The following ALK variants were observed in gnomAD, a reference collection of about 807,000 sequenced individuals.
The protein encoded by ALK is ALK tyrosine kinase receptor.
ALK carries 74 observed loss-of-function variants against 163.1 expected under a neutral mutation model. The ratio of observed to expected loss-of-function variants is 0.45; its 90% CI spans 0.38 to 0.55. ALK has a LOEUF of 0.55. ALK is among the 20% of genes least tolerant of loss of function. ALK has a pLI of 0.00. For missense variants in ALK, 2,063 were observed against 2,105.3 expected, an observed-to-expected ratio of 0.98 and a Z score of 0.39; for synonymous variants, 960 against 843.2, an observed-to-expected ratio of 1.14 and a Z score of -2.40.
chr2:29,696,729 C>T (rs1032824509), intron 2 of ALK, among the ~76,000 whole-genome samples: 1 of 151,872 alleles, frequency 6.6e-6, no homozygotes, highest in East Asian at 1.9e-4. Flanking sequence ...GCACACGTGT[C>T]GTATGAAGAG....
chr2:29,585,405 C>A, intron 3 of ALK, among the ~76,000 whole-genome samples: 1 of 152,180 alleles, frequency 6.6e-6, no homozygotes, highest in East Asian at 1.9e-4. Flanking sequence ...CGGCTCACCA[C>A]AACCTCCACC....
chr2:29,413,103 G>A (rs1349449163), intron 4 of ALK, among the ~76,000 whole-genome samples: 7 of 152,030 alleles, frequency 4.6e-5, no homozygotes, highest in Admixed American at 1.3e-4. Context: ...CACTTGATGC[G>A]GCCTGTTACT....
intron 3 of ALK, among the ~76,000 whole-genome samples, chr2:29,618,880 G>A (rs1675938587): frequency 6.6e-6 from 1 of 152,158 alleles, no homozygotes; most frequent in Non-Finnish European, 1.5e-5. Context: ...TTGGGAGGCT[G>A]AGGCAAAAGA....
intron 1 of ALK, among the ~76,000 whole-genome samples, chr2:29,770,970 CACAG>C (rs1460617160): frequency 3.3e-5 from 5 of 151,514 alleles, no homozygotes; most frequent in Non-Finnish European, 5.9e-5. Context: ...TACACAAATA[CACAG>C]ACATACACAG....
At chr2:29,758,097 G>C (rs923678132) in intron 1 of ALK, among the ~76,000 whole-genome samples, 3 of 142,402 alleles carry the variant, frequency 2.1e-5, no homozygotes, top group Non-Finnish European at 4.5e-5. Flanking sequence ...TGCAACCTCT[G>C]CCTCTTGGGC....
At chr2:29,856,713 C>T (rs968811290) in intron 1 of ALK, among the ~76,000 whole-genome samples, 9 of 152,110 alleles carry the variant, frequency 5.9e-5, no homozygotes, top group African/African-American at 1.7e-4. Context: ...GGTGCATCAC[C>T]CAGGAAACAG....
rs746468058 is a variant in ALK at position 29,223,431 on chromosome 2, G to A, written c.3270C>T (p.Thr1090=). 4 of 1,614,166 alleles carry A rather than the reference G, an allele frequency of 2.5e-6. No homozygotes were observed. The highest frequency in any genetic ancestry group is 1.3e-5 in the African/African-American group (1 of 75,044). ...CAAAGCAGTAGTTGGGGTTGTAGTC[G>A]GTCATGATGGTCGAGGTGCGGAGCT... The part of the protein sequence containing the change: ...LSKLRTSTIM[T]DYNPNYCFAG... Residue 1090 remains threonine, a synonymous_variant, in exon 20 of 29, where the codon ACC becomes ACT. Coordinates refer to ENST00000389048, the MANE Select transcript of ALK (RefSeq NM_004304.5).
intron 5 of ALK, among the ~76,000 whole-genome samples, chr2:29,350,399 A>G (rs1304692817): frequency 6.6e-6 from 1 of 152,156 alleles, no homozygotes; most frequent in African/African-American, 2.4e-5. Context: ...GGTGATCCCT[A>G]TGGCCATTGG....
intron 1 of ALK, among the ~76,000 whole-genome samples, chr2:29,885,270 G>A (rs759974694): frequency 5.3e-5 from 8 of 152,138 alleles, no homozygotes; most frequent in Non-Finnish European, 1.0e-4. Flanking sequence ...CACAATGTCT[G>A]TAGTTCAGCC....
At chr2:29,245,128 G>T (rs1664626578) in intron 12 of ALK, among the ~76,000 whole-genome samples, 1 of 148,890 alleles carries the variant, frequency 6.7e-6, no homozygotes, top group Non-Finnish European at 1.5e-5. Flanking sequence ...CACACAGTTG[G>T]AGCGGTATGG....
intron 9 of ALK, among the ~76,000 whole-genome samples, chr2:29,288,470 C>T (rs74624657): frequency 6.6e-6 from 1 of 152,176 alleles, no homozygotes; most frequent in African/African-American, 2.4e-5. Flanking sequence ...CCTGCAGGTA[C>T]AGGCTGACCT....
Position 29,529,250 on chromosome 2 carries a change from C to T in ALK, c.1154+2665G>A, listed in dbSNP as rs145907274. Among the ~76,000 whole-genome samples, 48 of 152,280 alleles carry T rather than the reference C, an allele frequency of 3.2e-4. 1 individual carries two copies. The East Asian group carries it at 7.9e-3, about 25-fold the overall frequency. ...TCCTCTGAGTCAGGCTCTCCCCAGCCGACTTTATTATTACAACTTCCTCCC... is the reference window on the plus strand; with the variant it reads ...TCCTCTGAGTCAGGCTCTCCCCAGCTGACTTTATTATTACAACTTCCTCCC... On this transcript the variant is annotated intron_variant, in intron 4 of 28. Transcript: ENST00000389048.
At chr2:29,493,186 T>TCCTGTCTCACATTTTTTTC (rs1671943744) in intron 4 of ALK, among the ~76,000 whole-genome samples, 1 of 152,326 alleles carries the variant, frequency 6.6e-6, no homozygotes, top group South Asian at 2.1e-4. Flanking sequence ...CTCTGCCCTG[T>TCCTGTCTCACATTTTTTTC]CCTGTCTCAC....
chr2:29,210,838 C>T (rs1669446025), intron 24 of ALK, among the ~76,000 whole-genome samples: 1 of 152,168 alleles, frequency 6.6e-6, no homozygotes, highest in Admixed American at 6.5e-5. Flanking sequence ...CTATAGATGA[C>T]CTGCTTTCCT....
intron 3 of ALK, among the ~76,000 whole-genome samples, chr2:29,668,228 T>C (rs919412861): frequency 2.6e-5 from 4 of 152,000 alleles, no homozygotes; most frequent in Non-Finnish European, 4.4e-5. Flanking sequence ...AAAATAACTT[T>C]TTGTTTTGCT....
At chr2:29,376,925 GGAGA>G (rs557953936) in intron 5 of ALK, among the ~76,000 whole-genome samples, 132 of 152,282 alleles carry the variant, frequency 8.7e-4, no homozygotes, top group African/African-American at 2.9e-3. Context: ...TGGAGAAGAA[GGAGA>G]GAGAGGGGGA....
chr2:29,213,732 C>G (rs536673587), intron 24 of ALK, among the ~76,000 whole-genome samples: 7 of 152,152 alleles, frequency 4.6e-5, no homozygotes, highest in Non-Finnish European at 1.0e-4. Flanking sequence ...GCCTGAAATC[C>G]TAGCATTTCA....
intron 4 of ALK, among the ~76,000 whole-genome samples, chr2:29,403,934 C>G (rs1388663075): frequency 6.6e-6 from 1 of 151,800 alleles, no homozygotes; most frequent in Non-Finnish European, 1.5e-5. Flanking sequence ...TTTTTATTGA[C>G]TCCTGAAGTA....
intron 4 of ALK, among the ~76,000 whole-genome samples, chr2:29,523,906 A>C (rs940472628): frequency 8.0e-5 from 11 of 137,108 alleles, no homozygotes; most frequent in Non-Finnish European, 1.4e-4. Context: ...CCATCAATGA[A>C]AGCAATCGTG....
Sources: allele counts gnomAD v4.1 joint callset (sites outside exome capture counted in the v4.1 genomes callset), GRCh38; gene constraint gnomAD v4.1.1; transcripts MANE v1.5; gene names NCBI Gene and HGNC (gene_info 2026-07-23, HGNC 2026-07-21).